Variants in ODAD2 observed in about 807,000 individuals in gnomAD.
The protein encoded by ODAD2 is outer dynein arm docking complex subunit 2, also known as outer dynein arm-docking complex subunit 2.
Under a neutral mutation model 106.8 loss-of-function variants are expected in ODAD2, and 89 were observed. The ratio of observed to expected loss-of-function variants is 0.83; its 90% CI spans 0.70 to 0.99. The LOEUF (loss-of-function observed/expected upper bound fraction) is 0.99, where lower values mean the gene tolerates loss of function less well. Ranked by LOEUF, ODAD2 falls within the 50% of genes least tolerant of loss-of-function variation. ODAD2 has a pLI of 0.00. For synonymous variants in ODAD2, 404 were observed against 436.2 expected, an observed-to-expected ratio of 0.93 and a Z score of 0.92; for missense variants, 1,168 against 1,238.5, an observed-to-expected ratio of 0.94 and a Z score of 0.85.
At chr10:27,928,455 T>C (rs969392150) in intron 16 of ODAD2, among the ~76,000 whole-genome samples, 1 of 152,120 alleles carries the variant, frequency 6.6e-6, no homozygotes, top group Non-Finnish European at 1.5e-5. Flanking sequence ...TCTCTATTAA[T>C]GCTAAAAACC....
At chr10:27,987,351 A>C in intron 3 of ODAD2, 35 bp downstream of exon 3, 2 of 1,590,820 alleles carry the variant, frequency 1.3e-6, no homozygotes, top group Non-Finnish European at 1.7e-6. Flanking sequence ...ATTGTTTCTA[A>C]AAGTTCAAAT....
chr10:27,818,304 G>A (rs533930506), intron 19 of ODAD2, among the ~76,000 whole-genome samples: 30 of 151,836 alleles, frequency 2.0e-4, no homozygotes, highest in African/African-American at 6.8e-4. Context: ...ATAACCCCTC[G>A]ATTATAGGAT....
chr10:27,838,383 A>G (rs537998535), intron 19 of ODAD2, among the ~76,000 whole-genome samples: 59 of 152,362 alleles, frequency 3.9e-4, no homozygotes, highest in African/African-American at 1.1e-3. Flanking sequence ...ATAGCTGCCA[A>G]TTAATATAAT....
In ODAD2 at chr10:27,832,274, G is replaced by A. The variant is rs368319585; in HGVS notation, c.3022-19649C>T. Among the ~76,000 whole-genome samples, 43 of 152,290 alleles carry A rather than the reference G, an allele frequency of 2.8e-4. 1 individual carries two copies. The East Asian group carries it at 7.9e-3, about 28-fold the overall frequency. On this transcript the variant is annotated intron_variant, in intron 19 of 19. Transcript: ENST00000305242. ...AATCACTCTTTTGCCTGGACACAAT[G>A]TCTCTGGGTCTCTCTGGTTTGATGT... is the stretch of plus-strand genomic sequence containing the variant.
At chr10:27,878,959 C>T (rs1309079614) in intron 17 of ODAD2, among the ~76,000 whole-genome samples, 2 of 151,910 alleles carry the variant, frequency 1.3e-5, no homozygotes, top group African/African-American at 2.4e-5. Context: ...TCCTTGTGAA[C>T]CAAAGGAAAG....
At chr10:27,927,437 A>C (rs1845330109) in intron 16 of ODAD2, among the ~76,000 whole-genome samples, 1 of 152,176 alleles carries the variant, frequency 6.6e-6, no homozygotes, top group South Asian at 2.1e-4. Context: ...AAGCTCAAAG[A>C]TGCAGTAGGT....
intron 19 of ODAD2, among the ~76,000 whole-genome samples, chr10:27,819,574 TAAAAAAAAAAAA>T (rs56031733): frequency 2.7e-5 from 2 of 74,014 alleles, no homozygotes; most frequent in South Asian, 6.2e-4. Context: ...CCCTGTCTCT[TAAAAAAAAAAAA>T]AAAAAAAAAA....
chr10:27,895,739 G>T (rs982552077), intron 17 of ODAD2, among the ~76,000 whole-genome samples: 1 of 152,168 alleles, frequency 6.6e-6, no homozygotes, highest in Non-Finnish European at 1.5e-5. Context: ...TAATAGAGTT[G>T]CCCTAACCAT....
chr10:27,833,933 G>T (rs1477923009), intron 19 of ODAD2, among the ~76,000 whole-genome samples: 1 of 152,238 alleles, frequency 6.6e-6, no homozygotes, highest in African/African-American at 2.4e-5. Flanking sequence ...TGGGGATTGG[G>T]AGAACATTCC....
At chr10:27,936,929 C>T (rs1846023944) in intron 14 of ODAD2, 49 bp from the exon 15 acceptor site, 1 of 1,541,122 alleles carries the variant, frequency 6.5e-7, no homozygotes, top group Admixed American at 2.2e-5. Flanking sequence ...GAATATCAAG[C>T]TTTCAATGAT....
intron 19 of ODAD2, among the ~76,000 whole-genome samples, chr10:27,820,777 C>CA (rs1410664396): frequency 5.1e-4 from 54 of 105,554 alleles, no homozygotes; most frequent in Non-Finnish European, 9.3e-4. Context: ...AGCCCAGCAA[C>CA]TTTTTTTTTT....
At chr10:27,883,698 A>G (rs992703372) in intron 17 of ODAD2, among the ~76,000 whole-genome samples, 17 of 152,196 alleles carry the variant, frequency 1.1e-4, no homozygotes, top group African/African-American at 3.9e-4. Context: ...TGCATCAATA[A>G]AGAGAATTAA....
At chr10:27,838,664 C>CA (rs1158724009) in intron 19 of ODAD2, among the ~76,000 whole-genome samples, 1 of 152,206 alleles carries the variant, frequency 6.6e-6, no homozygotes, top group Non-Finnish European at 1.5e-5. Flanking sequence ...TAGCATCTGC[C>CA]AGATTCCTCG....
intron 19 of ODAD2, among the ~76,000 whole-genome samples, chr10:27,842,608 A>G (rs1445352435): frequency 2.0e-5 from 3 of 152,236 alleles, no homozygotes; most frequent in Non-Finnish European, 4.4e-5. Flanking sequence ...TGTCTTTAAG[A>G]ACATTCTATA....
Position 27,936,707 on chromosome 10 carries a change from AT to A in ODAD2, c.2252+18del, listed in dbSNP as rs780254116. 10 of 1,613,516 alleles carry A rather than the reference AT, an allele frequency of 6.2e-6. No individual in the cohort carries two copies. Among genetic ancestry groups the A allele is most frequent in the Admixed American group, 1.7e-5 (1 of 59,974 alleles). On this transcript the variant is annotated intron_variant, in intron 15 of 19. Transcript: ENST00000305242. Reference sequence around the variant, plus strand: ...AGAAGCCGTATCTTCATTTCAGAATATTGAGAGCCTTCTCTTACTTGGTAAC... The same window carrying A: ...AGAAGCCGTATCTTCATTTCAGAATATGAGAGCCTTCTCTTACTTGGTAAC...
chr10:27,871,566 C>T lies in ODAD2; in HGVS notation c.2611-8944G>A, dbSNP rs191764625. Among the ~76,000 whole-genome samples, 746 of 152,302 alleles carry T rather than the reference C, an allele frequency of 4.9e-3. 8 individuals are homozygous for T. The highest frequency in any genetic ancestry group is 0.017 in the African/African-American group (687 of 41,552). On this transcript the variant is annotated intron_variant, in intron 17 of 19. Coordinates refer to ENST00000305242, the MANE Select transcript of ODAD2 (RefSeq NM_018076.5). The stretch of plus-strand genomic sequence containing the variant: ...AAGGAAGGGATCCAGTTTCACCTTT[C>T]TACATATGGCTAGCCAGTTTTCCCA...
chr10:27,897,387 C>T (rs750615426), intron 17 of ODAD2, among the ~76,000 whole-genome samples: 5 of 152,140 alleles, frequency 3.3e-5, no homozygotes, highest in Admixed American at 2.6e-4. Flanking sequence ...TTTCCTCAGA[C>T]GATGTTATTC....
At chr10:27,920,348 T>TCTCACAGTAAATAGTACTGAGAAGCCCA (rs1453466405) in intron 16 of ODAD2, among the ~76,000 whole-genome samples, 1 of 152,200 alleles carries the variant, frequency 6.6e-6, no homozygotes, top group Non-Finnish European at 1.5e-5. Context: ...ACGTATGCGC[T>TCTCACAGTAAATAGTACTGAGAAGCCCA]CTCACAGTAA....
intron 7 of ODAD2, among the ~76,000 whole-genome samples, chr10:27,972,784 G>T (rs1298097657): frequency 6.6e-6 from 1 of 152,012 alleles, no homozygotes; most frequent in African/African-American, 2.4e-5. Context: ...AGAGCTAAAA[G>T]GAAAAGTAGA....
Sources: allele counts gnomAD v4.1 joint callset (sites outside exome capture counted in the v4.1 genomes callset), GRCh38; gene constraint gnomAD v4.1.1; transcripts MANE v1.5; gene names NCBI Gene and HGNC (gene_info 2026-07-23, HGNC 2026-07-21).